The following CLDND1 variants were observed in gnomAD, a reference collection of about 807,000 sequenced individuals.
CLDND1 encodes the protein claudin domain-containing protein 1.
Under a neutral mutation model 26.3 loss-of-function variants are expected in CLDND1, and 13 were observed. The ratio of observed to expected loss-of-function variants is 0.49; its 90% confidence interval spans 0.32 to 0.78. The LOEUF (loss-of-function observed/expected upper bound fraction) is 0.78, where lower values mean the gene tolerates loss of function less well. Among genes scored for constraint, CLDND1 ranks in the 30% least tolerant of loss-of-function variants. CLDND1 has a pLI of 0.03. For missense variants in CLDND1, 289 were observed against 312.8 expected (o/e 0.92, Z 0.57); for synonymous variants, 107 against 107.0 (o/e 1.00, Z 0.00).
intron 3 of CLDND1, chr3:98,517,393 A>T: frequency 1.7e-6 from 1 of 588,000 alleles, no homozygotes; most frequent in Non-Finnish European, 3.0e-6. Flanking sequence ...AACAGGTAGT[A>T]GCAATTACTG....
intron 3 of CLDND1, chr3:98,517,475 G>T: frequency 3.3e-6 from 1 of 306,696 alleles, no homozygotes. Flanking sequence ...ACCCTAGAAA[G>T]TAGGTACAGT....
In CLDND1 at chr3:98,521,377, G is replaced by A; in HGVS notation, c.48C>T (p.Ser16=). Residue 16 remains serine, a synonymous_variant, in exon 2 of 5, where the codon AGC becomes AGT. Transcript: ENST00000341181. The part of the protein sequence containing the change: ...ATAFVIACVL[S]LISTIYMAAS... The stretch of plus-strand genomic sequence containing the variant: ...CTGCCATGTAGATGGTGGAAATGAG[G>A]CTAAGCACACAAGCAATTACAAATG... 1.2e-6 allele frequency: 2 copies of A among 1,614,166 alleles called. No homozygotes were observed. The highest frequency in any genetic ancestry group is 1.7e-6 in the Non-Finnish European group (2 of 1,180,018).
Position 98,516,846 on chromosome 3 carries a change from A to G in CLDND1, c.575T>C (p.Val192Ala), listed in dbSNP as rs751452413. The part of the protein sequence containing the change: ...LCTLGSVSCY[V>A]AGIELLHQKL... ...CTGGTGGAGTAGTTCAATTCCAGCA[A>G]CATAACAACTTACTGAGCCCAGTGT... Residue 192 changes from valine (V) to alanine (A), a missense_variant, in exon 5 of 5, where the codon GTT becomes GCT. Physicochemically the swap from Val to Ala is moderately conservative, Grantham distance 64 (BLOSUM62 0). Coordinates refer to ENST00000341181, the MANE Select transcript of CLDND1 (RefSeq NM_001040181.2). The G allele has an allele frequency of 2.5e-6, 4 of 1,614,108 alleles. No individual in the cohort carries two copies. Among genetic ancestry groups the G allele is most frequent in the Non-Finnish European group, 3.4e-6 (4 of 1,180,032 alleles).
chr3:98,522,840 C>T lies in CLDND1; in HGVS notation c.-19+9G>A, dbSNP rs1706489054. 1.2e-6 allele frequency: 2 copies of T among 1,613,814 alleles called. No individual in the cohort carries two copies. The highest frequency in any genetic ancestry group is 4.5e-5 in the East Asian group (2 of 44,856). ...CCCCTGCCCGGCGACGCAGGTCCCGCTCACTCACCGCCCATCCTCCTGCTC... is the reference window on the plus strand; with the variant it reads ...CCCCTGCCCGGCGACGCAGGTCCCGTTCACTCACCGCCCATCCTCCTGCTC... On this transcript the variant is annotated intron_variant, in intron 1 of 4. Transcript: ENST00000341181.
chr3:98,515,923 GA>G lies in CLDND1; in HGVS notation c.*735del. On this transcript the variant is annotated 3_prime_UTR_variant, in exon 5 of 5. Coordinates refer to ENST00000341181, the MANE Select transcript of CLDND1 (RefSeq NM_001040181.2). ...CACACTTTTAATAACCCTGGTATGT[GA>G]AGAGGAAAGAAAAAAAATCCAAAAC... 1 of 1,222,596 alleles carries G rather than the reference GA, an allele frequency of 8.2e-7. No individual in the cohort carries two copies. Among genetic ancestry groups the G allele is most frequent in the South Asian group, 1.4e-5 (1 of 69,116 alleles). The allele number at this position is 1,222,596 out of a possible 1,614,324, so 75.7% of individuals were successfully genotyped here.
intron 3 of CLDND1, 137 bp from the exon 4 acceptor site, chr3:98,517,326 T>C (rs1319794991): frequency 5.2e-6 from 5 of 953,680 alleles, no homozygotes; most frequent in East Asian, 5.3e-5. Flanking sequence ...GCCTCTTTTC[T>C]AAAGCACATT....
rs758487977 is a variant in CLDND1, at chr3:98,521,303, T to C, written c.122A>G (p.Glu41Gly). The C allele has an allele frequency of 8.1e-6, 13 of 1,614,114 alleles. No individual in the cohort carries two copies. The highest frequency in any genetic ancestry group is 1.1e-5 in the Non-Finnish European group (13 of 1,180,054). Residue 41 changes from glutamate (E) to glycine (G), a missense_variant, in exon 2 of 5, where the codon GAA (glutamate) becomes GGA (glycine). Physicochemically the swap from Glu to Gly is moderately conservative, Grantham distance 98. Coordinates refer to ENST00000341181, the MANE Select transcript of CLDND1 (RefSeq NM_001040181.2). ...FWYEYRSPVQENSSDLNKSIW... is the reference protein window; with the variant it reads ...FWYEYRSPVQGNSSDLNKSIW... ...GCTTTTATTCAAATCACTGGAATTTTCTTGAACTGGACTTCGATATTCATA... is the reference window on the plus strand; with the variant it reads ...GCTTTTATTCAAATCACTGGAATTTCCTTGAACTGGACTTCGATATTCATA...
intron 2 of CLDND1, 129 bp from the exon 3 acceptor site, chr3:98,519,124 C>T (rs929136877): frequency 5.0e-6 from 3 of 604,116 alleles, no homozygotes; most frequent in Non-Finnish European, 2.9e-6. Flanking sequence ...CTGGCCCTGA[C>T]TGACACACAG....
rs913359964 is a variant in CLDND1 at position 98,515,493 on chromosome 3, T to G, written c.*1166A>C. On this transcript the variant is annotated 3_prime_UTR_variant, in exon 5 of 5. Coordinates refer to ENST00000341181, the MANE Select transcript of CLDND1 (RefSeq NM_001040181.2). ...CTATATACAATTGAGTCTCTTTTCA[T>G]TTTTAATTTTATTTTTTAAAAAAGA... 10 of 744,986 alleles carry G rather than the reference T, an allele frequency of 1.3e-5. No homozygotes were observed. The Admixed American group carries it at 3.8e-4, about 28-fold the overall frequency. The allele number at this position is 744,986 out of a possible 1,614,324, so 46.1% of individuals were successfully genotyped here.
chr3:98,517,806 G>T (rs1190893060), intron 3 of CLDND1, among the ~76,000 whole-genome samples: 1 of 152,078 alleles, frequency 6.6e-6, no homozygotes, highest in Admixed American at 6.6e-5. Flanking sequence ...GGAAACTGAG[G>T]CAAGAGTCAT....
At position 98,515,838 on chromosome 3, in the gene CLDND1, A is replaced by G. The variant is rs1050854285; in HGVS notation, c.*821T>C. 2.6e-5 allele frequency: 33 copies of G among 1,289,138 alleles called. No homozygotes were observed. The highest frequency in any genetic ancestry group is 3.3e-5 in the Non-Finnish European group (33 of 988,502). The allele number at this position is 1,289,138 out of a possible 1,614,324, so 79.9% of individuals were successfully genotyped here. Reference sequence around the variant, plus strand: ...ACGTTCTTTATAGTACTGGGCTGGAATAAATAAATAGCAGTTGAGGAATTT... The same window carrying G: ...ACGTTCTTTATAGTACTGGGCTGGAGTAAATAAATAGCAGTTGAGGAATTT... On this transcript the variant is annotated 3_prime_UTR_variant, in exon 5 of 5. Coordinates refer to ENST00000341181, the MANE Select transcript of CLDND1 (RefSeq NM_001040181.2).
rs532367140 is a variant in CLDND1, at chr3:98,516,391, T to G, written c.*268A>C. 779 of 1,190,012 alleles carry G rather than the reference T, an allele frequency of 6.5e-4. 2 individuals are homozygous for G. The highest frequency in any genetic ancestry group is 7.6e-4 in the Non-Finnish European group (726 of 960,192). 73.7% of individuals were successfully genotyped at this position (1,190,012 alleles called of 1,614,324 possible). On this transcript the variant is annotated 3_prime_UTR_variant, in exon 5 of 5. Coordinates refer to ENST00000341181, the MANE Select transcript of CLDND1 (RefSeq NM_001040181.2). Reference sequence around the variant, plus strand: ...GTCACATTCCTACTCCCAATTTTCTTTCATAAATTTGTGTCAAGTCTCTAT... The same window carrying G: ...GTCACATTCCTACTCCCAATTTTCTGTCATAAATTTGTGTCAAGTCTCTAT...
At chr3:98,522,558 A>G in intron 1 of CLDND1, 1 of 1,359,282 alleles carries the variant, frequency 7.4e-7, no homozygotes, top group Non-Finnish European at 9.4e-7. Flanking sequence ...GGGTCCCAGC[A>G]CTGGGAACGG....
At chr3:98,521,025 GGA>G (rs149645766) in intron 2 of CLDND1, 106 bp downstream of exon 2, 9 of 906,462 alleles carry the variant, frequency 9.9e-6, no homozygotes, top group South Asian at 3.2e-5. Flanking sequence ...ATTTCTTTAA[GGA>G]GAGAGAGAAC....
chr3:98,520,264 T>C (rs1184129847), intron 2 of CLDND1, among the ~76,000 whole-genome samples: 2 of 152,336 alleles, frequency 1.3e-5, no homozygotes, highest in East Asian at 1.9e-4. Context: ...TGTAACCTCA[T>C]AAGTCAAACT....
chr3:98,515,839 TAAATA>T lies in CLDND1; in HGVS notation c.*815_*819del. 7.8e-7 allele frequency: 1 copy of T among 1,288,952 alleles called. No homozygotes were observed. Among genetic ancestry groups the T allele is most frequent in the South Asian group, 1.2e-5 (1 of 80,910 alleles). The allele number at this position is 1,288,952 out of a possible 1,614,324, so 79.8% of individuals were successfully genotyped here. A position where few individuals can be genotyped will look rare whatever the true frequency, so the allele number is the denominator to read the frequency against. ...CGTTCTTTATAGTACTGGGCTGGAA[TAAATA>T]AATAGCAGTTGAGGAATTTTACCTT... On this transcript the variant is annotated 3_prime_UTR_variant, in exon 5 of 5. Coordinates refer to ENST00000341181, the MANE Select transcript of CLDND1 (RefSeq NM_001040181.2).
Position 98,515,519 on chromosome 3 carries a change from C to A in CLDND1, c.*1140G>T. 1.3e-6 allele frequency: 1 copy of A among 791,328 alleles called. No homozygotes were observed. The highest frequency in any genetic ancestry group is 1.9e-5 in the African/African-American group (1 of 53,900). The allele number at this position is 791,328 out of a possible 1,614,324, so 49.0% of individuals were successfully genotyped here. On this transcript the variant is annotated 3_prime_UTR_variant, in exon 5 of 5. Transcript: ENST00000341181. ...TTTTAATTTTATTTTTTAAAAAAGA[C>A]ATTGAGGTTATGGTAAGAAATTATG...
rs1706106828 is a variant in CLDND1 at position 98,515,685 on chromosome 3, G to A, written c.*974C>T. The A allele has an allele frequency of 2.3e-6, 3 of 1,282,802 alleles. No homozygotes were observed. The highest frequency in any genetic ancestry group is 3.0e-6 in the Non-Finnish European group (3 of 984,674). The allele number at this position is 1,282,802 out of a possible 1,614,324, so 79.5% of individuals were successfully genotyped here. On this transcript the variant is annotated 3_prime_UTR_variant, in exon 5 of 5. Transcript: ENST00000341181. Reference sequence around the variant, plus strand: ...AAATAATGTTGATACACACCAGGAAGGGATTTAGGCAAGGAAAGGCACATC... The same window carrying A: ...AAATAATGTTGATACACACCAGGAAAGGATTTAGGCAAGGAAAGGCACATC...
intron 2 of CLDND1, 59 bp from the exon 3 acceptor site, chr3:98,519,054 C>A: frequency 9.9e-7 from 1 of 1,006,022 alleles, no homozygotes; most frequent in Non-Finnish European, 1.5e-6. Flanking sequence ...AAATCTCTTT[C>A]AGTAATTATT....
Sources: allele counts gnomAD v4.1 joint callset (sites outside exome capture counted in the v4.1 genomes callset), GRCh38; gene constraint gnomAD v4.1.1; transcripts MANE v1.5; gene names NCBI Gene and HGNC (gene_info 2026-07-23, HGNC 2026-07-21).